The following MNAT1 variants were observed in gnomAD, a reference collection of about 807,000 sequenced individuals.
MNAT1 encodes MNAT1 component of CDK activating kinase.
A neutral mutation model predicts 42.0 loss-of-function variants in MNAT1; 43 were observed. The ratio of observed to expected loss-of-function variants is 1.02; its 90% CI spans 0.80 to 1.32. The LOEUF is 1.32. Among genes scored for constraint, MNAT1 ranks in the 40% most tolerant of loss-of-function variants. The pLI, the probability that MNAT1 is intolerant of heterozygous loss-of-function variation, is 0.00. For missense variants in MNAT1, 306 were observed against 350.4 expected, an observed-to-expected ratio of 0.87 and a Z score of 1.01; for synonymous variants, 118 against 120.0, an observed-to-expected ratio of 0.98 and a Z score of 0.11.
intron 7 of MNAT1, among the ~76,000 whole-genome samples, chr14:60,883,734 G>C (rs2139470830): frequency 6.6e-6 from 1 of 152,126 alleles, no homozygotes. Flanking sequence ...TTGTGTGTGT[G>C]TGTCCTCTTC....
chr14:60,849,822 T>C (rs974492615), intron 6 of MNAT1, among the ~76,000 whole-genome samples: 1 of 152,066 alleles, frequency 6.6e-6, no homozygotes, highest in Non-Finnish European at 1.5e-5. Flanking sequence ...ATTGCTGTTG[T>C]GTATCCTTAG....
chr14:60,765,535 A>G lies in MNAT1; in HGVS notation c.89+30584A>G, dbSNP rs150644478. Among the ~76,000 whole-genome samples, 286 of 152,340 alleles carry G rather than the reference A, an allele frequency of 1.9e-3. 2 individuals carry two copies. The highest frequency in any genetic ancestry group is 6.5e-3 in the African/African-American group (270 of 41,582). ...TTAAAGTATAATTTAAAAAATTAAA[A>G]ACAAAGTTTGGAATATAACTAAACA... On this transcript the variant is annotated intron_variant, in intron 1 of 7. Transcript: ENST00000261245.
intron 7 of MNAT1, among the ~76,000 whole-genome samples, chr14:60,882,071 G>A (rs1019057542): frequency 5.3e-5 from 8 of 152,152 alleles, no homozygotes; most frequent in Non-Finnish European, 8.8e-5. Flanking sequence ...TGAGGCAGGA[G>A]AATCACTTGA....
intron 7 of MNAT1, among the ~76,000 whole-genome samples, chr14:60,913,760 G>T (rs1467601414): frequency 2.0e-5 from 3 of 152,186 alleles, no homozygotes; most frequent in Non-Finnish European, 4.4e-5. Flanking sequence ...TCCTAGTTAG[G>T]CTACTCTGGG....
intron 7 of MNAT1, among the ~76,000 whole-genome samples, chr14:60,907,142 T>G (rs1296255370): frequency 6.6e-6 from 1 of 152,108 alleles, no homozygotes; most frequent in Non-Finnish European, 1.5e-5. Flanking sequence ...AGCTCAGTGA[T>G]TATAAAGATG....
chr14:60,843,325 C>G (rs1254353519), intron 6 of MNAT1, among the ~76,000 whole-genome samples: 2 of 151,996 alleles, frequency 1.3e-5, no homozygotes, highest in African/African-American at 2.4e-5. Context: ...GGCTGGAGTA[C>G]AGTGGCGCGA....
intron 6 of MNAT1, among the ~76,000 whole-genome samples, chr14:60,844,556 G>A (rs538724433): frequency 5.3e-5 from 8 of 152,068 alleles, no homozygotes; most frequent in Admixed American, 1.3e-4. Flanking sequence ...GCTTGCGTGC[G>A]ATGAGCTTTT....
At chr14:60,744,164 C>T (rs1242911708) in intron 1 of MNAT1, among the ~76,000 whole-genome samples, 1 of 152,152 alleles carries the variant, frequency 6.6e-6, no homozygotes, top group African/African-American at 2.4e-5. Context: ...GAGAGCCTCA[C>T]TCTGTTGCCC....
At chr14:60,831,628 C>T (rs544985937) in intron 6 of MNAT1, among the ~76,000 whole-genome samples, 2 of 152,284 alleles carry the variant, frequency 1.3e-5, no homozygotes, top group Non-Finnish European at 2.9e-5. Flanking sequence ...AATAGTGCTG[C>T]AATAAACATA....
At chr14:60,853,282 T>C (rs2033869981) in intron 6 of MNAT1, among the ~76,000 whole-genome samples, 1 of 152,190 alleles carries the variant, frequency 6.6e-6, no homozygotes, top group Non-Finnish European at 1.5e-5. Context: ...GTTATATTCC[T>C]AGGTATTTTA....
chr14:60,965,564 A>G (rs1187007056), intron 7 of MNAT1, among the ~76,000 whole-genome samples: 3 of 152,232 alleles, frequency 2.0e-5, no homozygotes, highest in Non-Finnish European at 2.9e-5. Flanking sequence ...CAAGCCAGAT[A>G]TGGTATGACT....
chr14:60,758,101 A>G (rs1176969595), intron 1 of MNAT1, among the ~76,000 whole-genome samples: 1 of 152,224 alleles, frequency 6.6e-6, no homozygotes, highest in Non-Finnish European at 1.5e-5. Flanking sequence ...CTTATTTCTA[A>G]GCCCTACGAA....
Position 60,969,542 on chromosome 14 carries a change from A to G in MNAT1, c.*1193A>G, listed in dbSNP as rs367641613. Reference sequence around the variant, plus strand: ...AAACCAAGGCATCAAATAATTGAGTAGACAAAGATCATATTCACAAGTTAG... The same window carrying G: ...AAACCAAGGCATCAAATAATTGAGTGGACAAAGATCATATTCACAAGTTAG... On this transcript the variant is annotated 3_prime_UTR_variant, in exon 8 of 8. Transcript: ENST00000261245. 6.6e-6 allele frequency: 1 copy of G among 152,206 alleles called. No individual in the cohort carries two copies. Among genetic ancestry groups the G allele is most frequent in the South Asian group, 2.1e-4 (1 of 4,834 alleles). 9.4% of individuals were successfully genotyped at this position (152,206 alleles called of 1,614,324 possible).
chr14:60,737,748 A>G (rs2140280570), intron 1 of MNAT1, among the ~76,000 whole-genome samples: 1 of 152,100 alleles, frequency 6.6e-6, no homozygotes, highest in East Asian at 1.9e-4. Flanking sequence ...AAAAAAGATT[A>G]TGTCAAGACA....
rs967001239 is a variant in MNAT1, at chr14:60,740,348, CT to C, written c.89+5405del. ...AACATCTTTCTCTTTCTTTTTTTCC[CT>C]TTTTTTTCTGTTCTCCTATTTCTCT... On this transcript the variant is annotated intron_variant, in intron 1 of 7. Coordinates refer to ENST00000261245, the MANE Select transcript of MNAT1 (RefSeq NM_002431.4). The surrounding 1 kb of genome is among the most constrained non-coding windows in gnomAD (Gnocchi z 4.1). Among the ~76,000 whole-genome samples, 1 of 151,728 alleles carries C rather than the reference CT, an allele frequency of 6.6e-6. No homozygotes were observed. The highest frequency in any genetic ancestry group is 1.5e-5 in the Non-Finnish European group (1 of 67,916).
chr14:60,917,632 G>C (rs1403870287), intron 7 of MNAT1, among the ~76,000 whole-genome samples: 1 of 142,426 alleles, frequency 7.0e-6, no homozygotes, highest in South Asian at 2.2e-4. Context: ...TTTCTTTTTT[G>C]TTTTTTTTTT....
At chr14:60,850,025 T>G (rs1000760230) in intron 6 of MNAT1, among the ~76,000 whole-genome samples, 1 of 152,036 alleles carries the variant, frequency 6.6e-6, no homozygotes, top group Non-Finnish European at 1.5e-5. Flanking sequence ...TTAGTAGAGA[T>G]GGGATTTCAC....
At chr14:60,766,246 G>C (rs1033493640) in intron 1 of MNAT1, among the ~76,000 whole-genome samples, 3 of 151,792 alleles carry the variant, frequency 2.0e-5, no homozygotes, top group African/African-American at 4.8e-5. Flanking sequence ...TACTTGGGAG[G>C]CGTAGACAGA....
chr14:60,819,235 C>T (rs971807942), intron 6 of MNAT1, among the ~76,000 whole-genome samples: 1 of 151,970 alleles, frequency 6.6e-6, no homozygotes, highest in East Asian at 1.9e-4. Context: ...TTTTTAAAAA[C>T]TCTGAAAGCC....
Sources: gnomAD v4.1 joint callset for allele counts (sites outside exome capture counted in the v4.1 genomes callset) on GRCh38, gnomAD v4.1.1 for gene constraint, Gnocchi (gnomAD v3.1) non-coding constraint, MANE v1.5 for transcripts, NCBI Gene and HGNC (gene_info 2026-07-23, HGNC 2026-07-21) for gene names.